ZNF84: variants seen among roughly 807,000 people sequenced by gnomAD.
ZNF84 encodes the protein zinc finger protein 84.
Under a neutral mutation model 14.8 loss-of-function variants are expected in ZNF84, and 12 were observed. That is an observed-to-expected ratio of 0.81 (90% CI 0.52 to 1.31). ZNF84 has a LOEUF of 1.31. Among genes scored for constraint, ZNF84 ranks in the 50% most tolerant of loss-of-function variants. The pLI is 0.00. For synonymous variants in ZNF84, 347 were observed against 291.1 expected, an observed-to-expected ratio of 1.19 and a Z score of -1.96; for missense variants, 859 against 878.6, an observed-to-expected ratio of 0.98 and a Z score of 0.28.
chr12:133,044,697 C>G (rs1408643303), intron 2 of ZNF84, among the ~76,000 whole-genome samples: 3 of 151,928 alleles, frequency 2.0e-5, no homozygotes, highest in Non-Finnish European at 4.4e-5. Flanking sequence ...GGGTAGATCA[C>G]GAGGTTAAGA....
chr12:133,058,676 C>G lies in ZNF84; in HGVS notation c.1961C>G (p.Pro654Arg). The stretch of plus-strand genomic sequence containing the variant: ...CAGAGAATACATACAGGAGAGAAGC[C>G]TTTTGAATGCAGTGAGTGTGGCAAA... ...NHQRIHTGEK[P>R]FECSECGKAF... The change falls in exon 5 of 5, where the codon CCT becomes CGT. Residue 654 changes from proline (P) to arginine (R), a missense_variant. Pro to Arg is a moderately radical substitution (Grantham distance 103). Transcript: ENST00000539354. 6.2e-7 allele frequency: 1 copy of G among 1,614,070 alleles called. No homozygotes were observed.
At chr12:133,041,132 A>C (rs990312638) in intron 1 of ZNF84, 146 bp from the exon 2 acceptor site, 35 of 326,052 alleles carry the variant, frequency 1.1e-4, no homozygotes, top group African/African-American at 7.2e-4. Context: ...ATTTTACTAT[A>C]TTCTGTTTCC....
chr12:133,055,825 G>A (rs1412359938), intron 4 of ZNF84, among the ~76,000 whole-genome samples: 26 of 152,212 alleles, frequency 1.7e-4, no homozygotes, highest in African/African-American at 4.6e-4. Flanking sequence ...TTGGCCCGGC[G>A]CAGTGGCTCA....
In ZNF84 at chr12:133,058,173, GTA is replaced by G; in HGVS notation, c.1460_1461del (p.Tyr487Ter). 6.2e-7 allele frequency: 1 copy of G among 1,613,850 alleles called. No homozygotes were observed. The highest frequency in any genetic ancestry group is 1.1e-5 in the South Asian group (1 of 91,074). ...HQRTHTGEKPYECSECGKAFS... is the reference protein window; with the variant it reads ...HQRTHTGEKPXECSECGKAFS... ...AGAGAACTCATACGGGAGAAAAACC[GTA>G]TGAATGCAGTGAGTGTGGGAAAGCT... On this transcript the variant is annotated frameshift_variant, in exon 5 of 5. Transcript: ENST00000539354. LOFTEE classifies it low-confidence loss of function (END_TRUNC).
In ZNF84 at chr12:133,058,256, C is replaced by T; in HGVS notation, c.1541C>T (p.Pro514Leu). The change falls in exon 5 of 5, where the codon CCA (proline) becomes CTA (leucine). Residue 514 changes from proline (P) to leucine (L), a missense_variant. By Grantham distance (98) the Pro-to-Leu change is moderately conservative. Coordinates refer to ENST00000539354, the MANE Select transcript of ZNF84 (RefSeq NM_001289971.2). ...CAAAGAATTCATACAGGAGAAAAAC[C>T]ATATGTATGCAGTGAATGTGGGAAA... is the stretch of plus-strand genomic sequence containing the variant. ...NHQRIHTGEK[P>L]YVCSECGKAF... 4 of 1,613,938 alleles carry T rather than the reference C, an allele frequency of 2.5e-6. No homozygotes were observed. Among genetic ancestry groups the T allele is most frequent in the Non-Finnish European group, 3.4e-6 (4 of 1,179,982 alleles).
intron 4 of ZNF84, among the ~76,000 whole-genome samples, chr12:133,052,383 C>T (rs1039011368): frequency 5.3e-5 from 8 of 152,028 alleles, no homozygotes; most frequent in African/African-American, 1.7e-4. Flanking sequence ...TCTCACTCAC[C>T]CCACCTGGAG....
chr12:133,057,222 G>A lies in ZNF84; in HGVS notation c.507G>A (p.Lys169=), dbSNP rs1593713363. 4.1e-5 allele frequency: 66 copies of A among 1,613,706 alleles called. 1 individual carries two copies. The East Asian group carries it at 1.5e-3, about 36-fold the overall frequency. ...NVFDNFFLHS[K]PEDTDTWLKY... is the part of the protein sequence containing the mutation. ...TTGATAATTTTTTTCTCCATTCCAA[G>A]CCTGAGGATACTGATACCTGGTTAA... The change falls in exon 5 of 5, where the codon AAG becomes AAA. Residue 169 remains lysine, a synonymous_variant. Coordinates refer to ENST00000539354, the MANE Select transcript of ZNF84 (RefSeq NM_001289971.2).
intron 4 of ZNF84, among the ~76,000 whole-genome samples, chr12:133,052,739 A>G (rs981698971): frequency 4.6e-5 from 7 of 152,228 alleles, no homozygotes; most frequent in Non-Finnish European, 1.0e-4. Flanking sequence ...AAATACAGCC[A>G]TTCTGAGAGT....
chr12:133,058,283 C>A lies in ZNF84; in HGVS notation c.1568C>A (p.Ala523Asp). 1 of 1,614,078 alleles carries A rather than the reference C, an allele frequency of 6.2e-7. No homozygotes were observed. Among genetic ancestry groups the A allele is most frequent in the South Asian group, 1.1e-5 (1 of 91,080 alleles). The change falls in exon 5 of 5, where the codon GCC becomes GAC. Residue 523 changes from alanine (A) to aspartate (D), a missense_variant. Transcript: ENST00000539354. ...TATGTATGCAGTGAATGTGGGAAAG[C>A]CTTTTGTCAGAAGTCACATCTCATA... ...KPYVCSECGK[A>D]FCQKSHLISH...
rs1482023554 is a variant in ZNF84, at chr12:133,059,392, T to C, written c.*460T>C. 1.1e-5 allele frequency: 2 copies of C among 176,320 alleles called. No individual in the cohort carries two copies. The highest frequency in any genetic ancestry group is 4.7e-5 in the African/African-American group (2 of 42,546). The allele number at this position is 176,320 out of a possible 1,614,324, so 10.9% of individuals were successfully genotyped here. On this transcript the variant is annotated 3_prime_UTR_variant, in exon 5 of 5. Transcript: ENST00000539354. ...ACAGTGCAACAAGTAACGAGACTAT[T>C]TTGTATTTTGGAGAATTCATATTAT...
At chr12:133,055,741 A>AC (rs1954143492) in intron 4 of ZNF84, among the ~76,000 whole-genome samples, 1 of 152,222 alleles carries the variant, frequency 6.6e-6, no homozygotes, top group African/African-American at 2.4e-5. Flanking sequence ...ACACCTATGA[A>AC]TGATAGAACA....
chr12:133,038,608 C>G (rs1953831502), intron 1 of ZNF84, among the ~76,000 whole-genome samples: 1 of 143,534 alleles, frequency 7.0e-6, no homozygotes, highest in Non-Finnish European at 1.5e-5. Context: ...TTTTCTTACA[C>G]ATAAACTTTA....
Position 133,062,981 on chromosome 12 carries a change from G to A in ZNF84, c.*4049G>A. On this transcript the variant is annotated 3_prime_UTR_variant, in exon 5 of 5. Coordinates refer to ENST00000539354, the MANE Select transcript of ZNF84 (RefSeq NM_001289971.2). ...CACTGTGATAATATAATCATTGCAT[G>A]TTTTATCTTTCCCACTAGAAAGCTT... is the stretch of plus-strand genomic sequence containing the variant. 1 of 643,104 alleles carries A rather than the reference G, an allele frequency of 1.6e-6. No homozygotes were observed. Among genetic ancestry groups the A allele is most frequent in the South Asian group, 1.8e-5 (1 of 56,020 alleles). The allele number at this position is 643,104 out of a possible 1,614,324, so 39.8% of individuals were successfully genotyped here.
chr12:133,057,269 A>T lies in ZNF84; in HGVS notation c.554A>T (p.Tyr185Phe). The stretch of plus-strand genomic sequence containing the variant: ...TTAAAATACTATGACTGTGATAAAT[A>T]TAAAGAGAGCTATAAAAAGTCACAG... ...TWLKYYDCDK[Y>F]KESYKKSQII... The change falls in exon 5 of 5, where the codon TAT (tyrosine) becomes TTT (phenylalanine). Residue 185 changes from tyrosine (Y) to phenylalanine (F), a missense_variant. Coordinates refer to ENST00000539354, the MANE Select transcript of ZNF84 (RefSeq NM_001289971.2). 2 of 1,613,790 alleles carry T rather than the reference A, an allele frequency of 1.2e-6. No individual in the cohort carries two copies. Among genetic ancestry groups the T allele is most frequent in the Non-Finnish European group, 1.7e-6 (2 of 1,179,922 alleles).
Position 133,058,110 on chromosome 12 carries a change from G to A in ZNF84, c.1395G>A (p.Gly465=), listed in dbSNP as rs1242108462. 3.1e-6 allele frequency: 5 copies of A among 1,614,024 alleles called. No homozygotes were observed. The East Asian group carries it at 1.1e-4, about 36-fold the overall frequency. ...AACCCTTTATATGCAGTAAATGTGG[G>A]AAAGCCTTCAGCAGGAAATCACAGC... is the stretch of plus-strand genomic sequence containing the variant. The part of the protein sequence containing the change: ...GEKPFICSKC[G]KAFSRKSQLV... The change falls in exon 5 of 5, where the codon GGG becomes GGA. Residue 465 remains glycine (G), a synonymous_variant. Transcript: ENST00000539354.
chr12:133,052,767 G>A (rs1226326363), intron 4 of ZNF84, among the ~76,000 whole-genome samples: 1 of 152,216 alleles, frequency 6.6e-6, no homozygotes, highest in Non-Finnish European at 1.5e-5. Context: ...CAATATACAA[G>A]TTTTGAGGAG....
In ZNF84 at chr12:133,055,244, A is replaced by G. The variant is rs1954133964; in HGVS notation, c.239-1710A>G. On this transcript the variant is annotated intron_variant, in intron 4 of 4. Transcript: ENST00000539354. ...TTCATGACATACTGTGAAATAGAAA[A>G]TACTGATAGAGATGGATTACAAAAG... Among the ~76,000 whole-genome samples the G allele has an allele frequency of 2.6e-5, 4 of 152,286 alleles. No homozygotes were observed. The South Asian group carries it at 8.3e-4, about 32-fold the overall frequency.
At position 133,058,030 on chromosome 12, in the gene ZNF84, G is replaced by A. The variant is rs2137423059; in HGVS notation, c.1315G>A (p.Ala439Thr). The change falls in exon 5 of 5, where the codon GCC (alanine) becomes ACC (threonine). Residue 439 changes from alanine to threonine, a missense_variant. Coordinates refer to ENST00000539354, the MANE Select transcript of ZNF84 (RefSeq NM_001289971.2). ...KPHGCIQCGK[A>T]FSQKSHLISH... ...TCATGGATGCATTCAGTGTGGGAAGGCCTTCTCCCAGAAGTCACATCTCAT... is the reference window on the plus strand; with the variant it reads ...TCATGGATGCATTCAGTGTGGGAAGACCTTCTCCCAGAAGTCACATCTCAT... 6.2e-7 allele frequency: 1 copy of A among 1,613,842 alleles called. No homozygotes were observed. The highest frequency in any genetic ancestry group is 2.2e-5 in the East Asian group (1 of 44,858).
chr12:133,048,118 C>T (rs1196412184), intron 3 of ZNF84, 37 bp downstream of exon 3: 1 of 1,565,470 alleles, frequency 6.4e-7, no homozygotes, highest in East Asian at 2.3e-5. Flanking sequence ...GGACTATGCC[C>T]AATGCATTGC....
Sources: allele counts gnomAD v4.1 joint callset (sites outside exome capture counted in the v4.1 genomes callset), GRCh38; gene constraint gnomAD v4.1.1; transcripts MANE v1.5; gene names NCBI Gene and HGNC (gene_info 2026-07-23, HGNC 2026-07-21).